Variants in CCSER1 observed in about 807,000 individuals in gnomAD.
CCSER1 encodes serine-rich coiled-coil domain-containing protein 1.
In CCSER1, 41 loss-of-function variants were observed where a neutral mutation model predicts 82.0. The ratio of observed to expected loss-of-function variants is 0.50; its 90% CI spans 0.39 to 0.65. The LOEUF (loss-of-function observed/expected upper bound fraction) is 0.65. Among genes scored for constraint, CCSER1 ranks in the 30% least tolerant of loss-of-function variants. CCSER1 has a pLI of 0.00. For synonymous variants in CCSER1, 414 were observed against 383.9 expected (o/e 1.08, Z -0.92); for missense variants, 1,119 against 1,064.2 (o/e 1.05, Z -0.72).
At chr4:91,222,005 A>G (rs1737789727) in intron 10 of CCSER1, among the ~76,000 whole-genome samples, 2 of 152,040 alleles carry the variant, frequency 1.3e-5, no homozygotes, top group South Asian at 4.1e-4. Context: ...TCTCTAATGC[A>G]TGTTCTATGA....
intron 10 of CCSER1, among the ~76,000 whole-genome samples, chr4:91,228,052 C>T (rs1210151627): frequency 6.6e-6 from 1 of 152,040 alleles, no homozygotes; most frequent in Non-Finnish European, 1.5e-5. Context: ...TTTAACCACT[C>T]TTGTACTTGA....
intron 7 of CCSER1, among the ~76,000 whole-genome samples, chr4:90,756,178 A>C (rs533450140): frequency 1.3e-5 from 2 of 152,178 alleles, no homozygotes; most frequent in Non-Finnish European, 2.9e-5. Flanking sequence ...CAGTGAGCTG[A>C]GATCGTTCTA....
chr4:90,695,907 C>T (rs1219986348), intron 6 of CCSER1, among the ~76,000 whole-genome samples: 5 of 151,818 alleles, frequency 3.3e-5, no homozygotes, highest in Non-Finnish European at 7.4e-5. Context: ...ATAGAGATGA[C>T]ACAAAGAGCT....
In CCSER1 at chr4:91,117,054, A is replaced by G. The variant is rs73837273; in HGVS notation, c.2217+31060A>G. ...GAAACCTCCATGCAGGTTTTGAGCC[A>G]TAAAGAAGGCACCACCTAATGGCAG... is the stretch of plus-strand genomic sequence containing the variant. On this transcript the variant is annotated intron_variant, in intron 10 of 10. Transcript: ENST00000509176. Among the ~76,000 whole-genome samples, 665 of 152,344 alleles carry G rather than the reference A, an allele frequency of 4.4e-3. 7 individuals carry two copies. The highest frequency in any genetic ancestry group is 0.015 in the African/African-American group (623 of 41,580).
At chr4:90,132,000 T>C (rs928283392) in intron 1 of CCSER1, among the ~76,000 whole-genome samples, 3 of 152,164 alleles carry the variant, frequency 2.0e-5, no homozygotes, top group African/African-American at 7.2e-5. Flanking sequence ...AGTAAAGAAA[T>C]TGCACAAATA....
At chr4:91,228,375 TAAA>T (rs1208724473) in intron 10 of CCSER1, among the ~76,000 whole-genome samples, 1 of 152,014 alleles carries the variant, frequency 6.6e-6, no homozygotes, top group Non-Finnish European at 1.5e-5. Context: ...CACATACACA[TAAA>T]TACTAAAAAA....
At chr4:90,406,376 C>T (rs1213668591) in intron 4 of CCSER1, among the ~76,000 whole-genome samples, 2 of 152,068 alleles carry the variant, frequency 1.3e-5, no homozygotes, top group African/African-American at 4.8e-5. Context: ...TACAATTAGA[C>T]CTAAGAAATG....
chr4:91,173,967 T>C (rs116650218), intron 10 of CCSER1, among the ~76,000 whole-genome samples: 1 of 152,212 alleles, frequency 6.6e-6, no homozygotes, highest in African/African-American at 2.4e-5. Flanking sequence ...GTAGTTTTTA[T>C]ATATATATTT....
intron 4 of CCSER1, among the ~76,000 whole-genome samples, chr4:90,412,388 C>G (rs928830646): frequency 6.6e-6 from 1 of 151,226 alleles, no homozygotes; most frequent in Non-Finnish European, 1.5e-5. Context: ...ATGGGTGCAG[C>G]ACACCAACAT....
At chr4:91,053,683 A>G (rs1743193920) in intron 9 of CCSER1, among the ~76,000 whole-genome samples, 1 of 152,246 alleles carries the variant, frequency 6.6e-6, no homozygotes. Context: ...CACTGTCCGG[A>G]TTCCTGGGAA....
At chr4:90,311,578 A>G (rs1291381964) in intron 2 of CCSER1, among the ~76,000 whole-genome samples, 2 of 152,200 alleles carry the variant, frequency 1.3e-5, no homozygotes, top group Non-Finnish European at 2.9e-5. Flanking sequence ...ATTTTATCCA[A>G]TAAAGAGTTG....
rs771419830 is a variant in CCSER1, at chr4:90,932,980, A to AAGAGAGAGAGAG, written c.2172+9538_2172+9539insGAGAGAGAGAGA. Among the ~76,000 whole-genome samples the AAGAGAGAGAGAG allele has an allele frequency of 3.2e-4, 7 of 21,978 alleles. 2 individuals carry two copies. Among genetic ancestry groups the AAGAGAGAGAGAG allele is most frequent in the African/African-American group, 5.4e-4 (2 of 3,718 alleles). The allele number at this position is 21,978 out of a possible 152,430, so 14.4% of individuals were successfully genotyped here. On this transcript the variant is annotated intron_variant, in intron 9 of 10. Coordinates refer to ENST00000509176, the MANE Select transcript of CCSER1 (RefSeq NM_001145065.2). Reference sequence around the variant, plus strand: ...AAAGAAAGAAAGAAAGAAAGAAAGAAAGAGAAAGAAAGAAAGAAAGAAAGA... The same window carrying AAGAGAGAGAGAG: ...AAAGAAAGAAAGAAAGAAAGAAAGAAAGAGAGAGAGAGAGAGAAAGAAAGAAAGAAAGAAAGA...
At chr4:90,325,129 T>G (rs1049959497) in intron 3 of CCSER1, among the ~76,000 whole-genome samples, 13 of 152,198 alleles carry the variant, frequency 8.5e-5, no homozygotes, top group African/African-American at 3.1e-4. Context: ...CTTATGAATG[T>G]GCTTTCTTGC....
chr4:90,898,949 T>C (rs1381087498), intron 8 of CCSER1, among the ~76,000 whole-genome samples: 4 of 152,130 alleles, frequency 2.6e-5, no homozygotes, highest in Admixed American at 6.6e-5. Context: ...TTCCATGTTA[T>C]TTTTAGCATT....
At chr4:91,220,228 C>T (rs1737625559) in intron 10 of CCSER1, among the ~76,000 whole-genome samples, 1 of 152,126 alleles carries the variant, frequency 6.6e-6, no homozygotes, top group Non-Finnish European at 1.5e-5. Flanking sequence ...TAACTACTGT[C>T]TTTTTAAATG....
chr4:91,493,994 A>G (rs1257895830), intron 10 of CCSER1, among the ~76,000 whole-genome samples: 1 of 151,890 alleles, frequency 6.6e-6, no homozygotes, highest in Non-Finnish European at 1.5e-5. Context: ...TTCATATGTC[A>G]AAACTTAATT....
intron 10 of CCSER1, among the ~76,000 whole-genome samples, chr4:91,576,761 G>A (rs1763470816): frequency 6.6e-6 from 1 of 151,834 alleles, no homozygotes; most frequent in East Asian, 1.9e-4. Flanking sequence ...TTTTGAGATC[G>A]GGGTGAAATT....
chr4:91,242,517 A>G (rs1739451139), intron 10 of CCSER1, among the ~76,000 whole-genome samples: 1 of 152,218 alleles, frequency 6.6e-6, no homozygotes. Context: ...ATAAGTATAA[A>G]TGTAAAATGC....
chr4:90,170,597 C>A (rs1196908291), intron 1 of CCSER1, among the ~76,000 whole-genome samples: 3 of 151,716 alleles, frequency 2.0e-5, no homozygotes, highest in African/African-American at 7.3e-5. Context: ...TTTTAGCACC[C>A]ACAAATAGAT....
Sources: allele counts gnomAD v4.1 joint callset (sites outside exome capture counted in the v4.1 genomes callset), GRCh38; gene constraint gnomAD v4.1.1; transcripts MANE v1.5; gene names NCBI Gene and HGNC (gene_info 2026-07-23, HGNC 2026-07-21).